The following NDUFAF6 variants were observed in gnomAD, a reference collection of about 807,000 sequenced individuals.
NDUFAF6 encodes the protein NADH dehydrogenase (ubiquinone) complex I, assembly factor 6.
A neutral mutation model predicts 40.8 loss-of-function variants in NDUFAF6; 45 were observed. The observed-to-expected ratio is 1.10, with a 90% CI of 0.87 to 1.42. The LOEUF is 1.42. Ranked by LOEUF, NDUFAF6 falls within the 40% of genes most tolerant of loss-of-function variation. The pLI, the probability that NDUFAF6 is intolerant of heterozygous loss-of-function variation, is 0.00. For missense variants in NDUFAF6, 435 were observed against 418.5 expected (o/e 1.04, Z -0.34); for synonymous variants, 185 against 155.9 (o/e 1.19, Z -1.39).
chr8:95,090,089 G>A (rs546668762), intron 2 of NDUFAF6, among the ~76,000 whole-genome samples: 4 of 152,256 alleles, frequency 2.6e-5, no homozygotes, highest in South Asian at 4.2e-4. Flanking sequence ...CTCAGCAGGT[G>A]TCTTTTCTTA....
intron 3 of NDUFAF6, among the ~76,000 whole-genome samples, chr8:95,039,000 A>G (rs1470674011): frequency 3.4e-5 from 5 of 147,764 alleles, no homozygotes; most frequent in Admixed American, 1.4e-4. Flanking sequence ...TTTTTGAGAC[A>G]GGGTGTTGCT....
chr8:94,946,719 A>AAAAAAAAAAAAAAAAAAAAAAC (rs1563736851), intron 2 of NDUFAF6, among the ~76,000 whole-genome samples: 1 of 149,268 alleles, frequency 6.7e-6, no homozygotes, highest in African/African-American at 2.5e-5. Context: ...AAAAAAAAAA[A>AAAAAAAAAAAAAAAAAAAAAAC]AGACAGGCCC....
rs554839533 is a variant in NDUFAF6, at chr8:94,991,184, G to A, written c.-84+10211G>A. On this transcript the variant is annotated intron_variant, in intron 2 of 9. Transcript: ENST00000396111. ...TCTGAAAAGCCAGGAAACCAAGAAA[G>A]AAACAAACACAAACCACTAGTAAAA... Among the ~76,000 whole-genome samples, 157 of 152,254 alleles carry A rather than the reference G, an allele frequency of 1.0e-3. 2 individuals are homozygous for A. Among genetic ancestry groups the A allele is most frequent in the African/African-American group, 3.7e-3 (153 of 41,558 alleles).
In NDUFAF6 at chr8:94,933,834, T is replaced by TGGG. The variant is rs572867137; in HGVS notation, c.-935-11639_-935-11637dup. ...TCATGCCTGTAATCCCAGCACTTTG[T>TGGG]GGGGGGGGGGGGAGGATCACGAGGT... On this transcript the variant is annotated intron_variant, in intron 1 of 14. Coordinates refer to the NDUFAF6 transcript ENST00000396113. 2.9e-3 allele frequency among the ~76,000 whole-genome samples: 172 copies of TGGG among 58,938 alleles called. 8 individuals are homozygous for TGGG. The highest frequency in any genetic ancestry group is 0.014 in the East Asian group (30 of 2,174). The allele number at this position is 58,938 out of a possible 152,430, so 38.7% of individuals were successfully genotyped here. A position where few individuals can be genotyped will look rare whatever the true frequency, so the allele number is the denominator to read the frequency against.
intron 1 of NDUFAF6, among the ~76,000 whole-genome samples, chr8:94,905,129 G>T (rs1818308341): frequency 6.6e-6 from 1 of 152,158 alleles, no homozygotes; most frequent in Admixed American, 6.5e-5. Context: ...GAATCTAGGA[G>T]GCAGAGGTTG....
At chr8:95,006,086 G>T (rs559098291) in intron 2 of NDUFAF6, among the ~76,000 whole-genome samples, 1 of 151,926 alleles carries the variant, frequency 6.6e-6, no homozygotes, top group Non-Finnish European at 1.5e-5. Flanking sequence ...GGCCAGGCGC[G>T]GTGGCTCACG....
At chr8:95,079,198 C>G (rs1025234614), downstream of NDUFAF6, among the ~76,000 whole-genome samples, 2 of 151,978 alleles carry the variant, frequency 1.3e-5, no homozygotes, top group Non-Finnish European at 2.9e-5. Context: ...TCTCAAACTC[C>G]CAACCTCAAG....
At chr8:95,062,156 CA>C (rs772221046), downstream of NDUFAF6, among the ~76,000 whole-genome samples, 5,466 of 110,464 alleles carry the variant, frequency 0.049, 151 homozygotes, top group African/African-American at 0.1. Context: ...GACCGTGGCT[CA>C]AAAAAAAAAA....
chr8:94,985,973 G>A lies in NDUFAF6; in HGVS notation c.-84+5000G>A, dbSNP rs905979623. On this transcript the variant is annotated intron_variant, in intron 2 of 9. Transcript: ENST00000396111. ...ACTGCAAGCTCTGCCTCCCAGGTTCGAGCGATTCTCCTGCCTCAGCCTCCC... is the reference window on the plus strand; with the variant it reads ...ACTGCAAGCTCTGCCTCCCAGGTTCAAGCGATTCTCCTGCCTCAGCCTCCC... Among the ~76,000 whole-genome samples, 12 of 149,598 alleles carry A rather than the reference G, an allele frequency of 8.0e-5. 1 individual carries two copies. The South Asian group carries it at 1.5e-3, about 19-fold the overall frequency.
intron 1 of NDUFAF6, among the ~76,000 whole-genome samples, chr8:94,903,627 C>CG (rs963159049): frequency 9.2e-5 from 14 of 152,054 alleles, no homozygotes; most frequent in South Asian, 2.1e-4. Flanking sequence ...ATCTTGGGTT[C>CG]GGGGGGAGTT....
chr8:95,037,707 T>C (rs1341928470), intron 3 of NDUFAF6, among the ~76,000 whole-genome samples: 2 of 152,214 alleles, frequency 1.3e-5, no homozygotes, highest in Non-Finnish European at 2.9e-5. Flanking sequence ...TTACATTTAG[T>C]ATCAGTGACA....
chr8:94,932,021 C>T, intron 1 of NDUFAF6: 1 of 1,556,942 alleles, frequency 6.4e-7, no homozygotes, highest in South Asian at 1.2e-5. Context: ...GGGTCCTTTG[C>T]CTCCCTATGC....
upstream of NDUFAF6, among the ~76,000 whole-genome samples, chr8:94,953,797 C>T (rs920531320): frequency 4.0e-5 from 4 of 100,434 alleles, no homozygotes; most frequent in Admixed American, 1.2e-4. Context: ...AAGGAAAACT[C>T]GTTTATTGGA....
rs924295055 is a variant in NDUFAF6 at position 95,045,510 on chromosome 8, T to A, written c.478-35T>A. 2.0e-6 allele frequency: 3 copies of A among 1,483,640 alleles called. No homozygotes were observed. In the African/African-American group the frequency reaches 4.2e-5, roughly 21 times the overall value. The allele number at this position is 1,483,640 out of a possible 1,614,324, so 91.9% of individuals were successfully genotyped here. A position where few individuals can be genotyped will look rare whatever the true frequency, so the allele number is the denominator to read the frequency against. ...CCTTTTCTTTCTAAAATATTGACAG[T>A]TCAACAGACTTTATTTGCATTTTAT... On this transcript the variant is annotated intron_variant, in intron 4 of 8. Coordinates refer to ENST00000396124, the MANE Select transcript of NDUFAF6 (RefSeq NM_152416.4).
chr8:95,071,947 CAGA>C (rs1288937523), intron 9 of NDUFAF6: 2 of 152,490 alleles, frequency 1.3e-5, no homozygotes, highest in Non-Finnish European at 2.9e-5. Flanking sequence ...GCTGCGCTGG[CAGA>C]AGGTTCAGGG....
At chr8:94,980,873 C>G (rs1825389881) in exon 2 of NDUFAF6, 1 of 454,346 alleles carries the variant, frequency 2.2e-6, no homozygotes, top group South Asian at 1.6e-5. Flanking sequence ...CTCTCAACAA[C>G]CCATGAAGTG....
chr8:95,007,371 T>A (rs2131663384), intron 2 of NDUFAF6, among the ~76,000 whole-genome samples: 1 of 152,088 alleles, frequency 6.6e-6, no homozygotes, highest in East Asian at 1.9e-4. Context: ...TATTTAATTT[T>A]AAAAATCCAT....
chr8:95,046,051 A>T (rs571163956), intron 5 of NDUFAF6, among the ~76,000 whole-genome samples: 1 of 144,634 alleles, frequency 6.9e-6, no homozygotes, highest in African/African-American at 2.9e-5. Flanking sequence ...ATTTTATTTT[A>T]TTTTATTTTA....
At chr8:95,020,512 G>A (rs183763645), upstream of NDUFAF6, among the ~76,000 whole-genome samples, 217 of 152,284 alleles carry the variant, frequency 1.4e-3, 2 homozygotes, top group Middle Eastern at 0.031. Context: ...GCAGGCACAT[G>A]CCTCTCTGTG....
Sources: gnomAD v4.1 joint callset for allele counts (sites outside exome capture counted in the v4.1 genomes callset) on GRCh38, gnomAD v4.1.1 for gene constraint, MANE v1.5 for transcripts, NCBI Gene and HGNC (gene_info 2026-07-23, HGNC 2026-07-21) for gene names.